COL4A2: variants seen among roughly 807,000 people sequenced by gnomAD.
COL4A2 encodes collagen type IV alpha 2 chain, also known as collagen alpha-2(IV) chain.
Under a neutral mutation model 200.2 loss-of-function variants are expected in COL4A2, and 99 were observed. That is an observed-to-expected ratio of 0.49 (90% CI 0.42 to 0.58). COL4A2 has a LOEUF of 0.58. Ranked by LOEUF, COL4A2 falls within the 20% of genes least tolerant of loss-of-function variation. COL4A2 has a pLI of 0.00. For missense variants in COL4A2, 1,950 were observed against 2,314.1 expected (o/e 0.84, Z 3.23); for synonymous variants, 897 against 900.6 (o/e 1.00, Z 0.07).
At chr13:110,348,556 C>T (rs1209910833) in intron 3 of COL4A2, among the ~76,000 whole-genome samples, 2 of 152,258 alleles carry the variant, frequency 1.3e-5, no homozygotes, top group Middle Eastern at 3.4e-3. Flanking sequence ...ACCTTGTTCC[C>T]GAGTTGGCTT....
chr13:110,486,231 C>T (rs984982510), intron 34 of COL4A2, among the ~76,000 whole-genome samples: 2 of 152,194 alleles, frequency 1.3e-5, no homozygotes, highest in Non-Finnish European at 2.9e-5. Flanking sequence ...GCTTCCCATC[C>T]GGGCCACCGT....
chr13:110,469,970 A>G (rs1476382645), intron 28 of COL4A2, among the ~76,000 whole-genome samples: 4 of 135,210 alleles, frequency 3.0e-5, no homozygotes, highest in African/African-American at 1.2e-4. Flanking sequence ...GCTGGAGTGC[A>G]GTGGCACAAT....
intron 3 of COL4A2, among the ~76,000 whole-genome samples, chr13:110,317,440 A>G (rs1257984548): frequency 2.6e-5 from 4 of 152,246 alleles, no homozygotes; most frequent in Non-Finnish European, 5.9e-5. Context: ...TTCTTTCTTC[A>G]TGGGAGCAGC....
intron 4 of COL4A2, among the ~76,000 whole-genome samples, chr13:110,413,946 G>A (rs558147410): frequency 1.2e-4 from 19 of 152,210 alleles, no homozygotes; most frequent in African/African-American, 2.7e-4. Flanking sequence ...ACCTGTCTAC[G>A]TGAGAATTAG....
At chr13:110,502,956 A>G in intron 41 of COL4A2, 165 bp from the exon 42 acceptor site, 1 of 664,202 alleles carries the variant, frequency 1.5e-6, no homozygotes, top group African/African-American at 1.8e-5. Flanking sequence ...GGTAACTTTT[A>G]TGTTCTACGT....
At chr13:110,435,702 G>C (rs1275713747) in intron 12 of COL4A2, among the ~76,000 whole-genome samples, 1 of 152,168 alleles carries the variant, frequency 6.6e-6, no homozygotes, top group African/African-American at 2.4e-5. Context: ...CAAGGATAAC[G>C]GTCCAGTAAT....
chr13:110,312,050 G>A (rs1884999332), intron 3 of COL4A2, among the ~76,000 whole-genome samples: 1 of 152,368 alleles, frequency 6.6e-6, no homozygotes, highest in Admixed American at 6.5e-5. Flanking sequence ...TTTCTGTAAG[G>A]ATCGGGAAGG....
At chr13:110,361,452 G>A (rs1038159050) in intron 4 of COL4A2, among the ~76,000 whole-genome samples, 1 of 152,188 alleles carries the variant, frequency 6.6e-6, no homozygotes, top group African/African-American at 2.4e-5. Flanking sequence ...CCCTGGAAAT[G>A]CCTGGCTGCA....
chr13:110,458,827 G>A lies in COL4A2; in HGVS notation c.1489G>A (p.Gly497Arg), dbSNP rs1163917280. 1 of 1,613,756 alleles carries A rather than the reference G, an allele frequency of 6.2e-7. No individual in the cohort carries two copies. The highest frequency in any genetic ancestry group is 1.3e-5 in the African/African-American group (1 of 74,884). Reference sequence around the variant, plus strand: ...CGACGAAGCTATCAAAGGTCTTCCGGGACTGCCAGGACCCAAGGGCTTCGC... The same window carrying A: ...CGACGAAGCTATCAAAGGTCTTCCGAGACTGCCAGGACCCAAGGGCTTCGC... ...EGDEAIKGLP[G>R]LPGPKGFAGI... The change falls in exon 22 of 48, where the codon GGA (glycine) becomes AGA (arginine). Residue 497 changes from glycine to arginine, a missense_variant. Physicochemically the swap from Gly to Arg is moderately radical, Grantham distance 125. Around this residue, in one of 2 missense-constraint regions of COL4A2, gnomAD observed 1,385 missense variants for 1,720.5 expected, o/e 0.80. Coordinates refer to ENST00000360467, the MANE Select transcript of COL4A2 (RefSeq NM_001846.4).
chr13:110,331,454 G>T (rs1242806196), intron 3 of COL4A2, among the ~76,000 whole-genome samples: 1 of 152,214 alleles, frequency 6.6e-6, no homozygotes, highest in Non-Finnish European at 1.5e-5. Flanking sequence ...GCAGCCGGCC[G>T]TGGCTGCCTT....
chr13:110,403,630 C>A (rs1320966091), intron 4 of COL4A2, among the ~76,000 whole-genome samples: 1 of 152,162 alleles, frequency 6.6e-6, no homozygotes, highest in Non-Finnish European at 1.5e-5. Context: ...TTCTTATGAG[C>A]CCTCGTCAGA....
At chr13:110,505,160 C>G (rs568851984) in intron 45 of COL4A2, among the ~76,000 whole-genome samples, 1 of 151,402 alleles carries the variant, frequency 6.6e-6, no homozygotes, top group African/African-American at 2.4e-5. Context: ...ACCATCCTGG[C>G]TAACACGGTG....
chr13:110,356,923 G>A (rs1363002145), intron 3 of COL4A2, among the ~76,000 whole-genome samples: 1 of 152,154 alleles, frequency 6.6e-6, no homozygotes, highest in East Asian at 1.9e-4. Context: ...CTGCCACCAC[G>A]CCTGGCTAAT....
chr13:110,331,053 T>C (rs1352518689), intron 3 of COL4A2, among the ~76,000 whole-genome samples: 1 of 145,758 alleles, frequency 6.9e-6, no homozygotes, highest in Non-Finnish European at 1.5e-5. Flanking sequence ...TTTTTTTCTT[T>C]CCATGCAGCT....
chr13:110,393,815 G>T (rs558350613), intron 4 of COL4A2, among the ~76,000 whole-genome samples: 1 of 152,270 alleles, frequency 6.6e-6, no homozygotes, highest in Admixed American at 6.5e-5. Context: ...GGAGGCAGAG[G>T]TTACAGGGAG....
rs1347309366 is a variant in COL4A2, at chr13:110,469,320, C to G, written c.2199C>G (p.Pro733=). The G allele has an allele frequency of 6.3e-7, 1 of 1,578,420 alleles. No homozygotes were observed. Among genetic ancestry groups the G allele is most frequent in the Non-Finnish European group, 8.6e-7 (1 of 1,161,932 alleles). The change falls in exon 28 of 48, where the codon CCC becomes CCG. Residue 733 remains proline (P), a synonymous_variant. Coordinates refer to ENST00000360467, the MANE Select transcript of COL4A2 (RefSeq NM_001846.4). ...GDAGREGFPG[P]PGFIGPRGSK... is the part of the protein sequence containing the mutation. Reference sequence around the variant, plus strand: ...CAGGTCGTGAAGGGTTCCCAGGACCCCCAGGTGAGTTGAGATCAGACCCCC... The same window carrying G: ...CAGGTCGTGAAGGGTTCCCAGGACCGCCAGGTGAGTTGAGATCAGACCCCC...
chr13:110,439,983 C>T (rs927718057), intron 16 of COL4A2, 150 bp downstream of exon 16: 6 of 1,257,574 alleles, frequency 4.8e-6, no homozygotes, highest in African/African-American at 1.5e-5. Context: ...AAAGATAATC[C>T]TGCCTCACAA....
chr13:110,341,405 G>A (rs1351456957), intron 3 of COL4A2, among the ~76,000 whole-genome samples: 1 of 152,226 alleles, frequency 6.6e-6, no homozygotes, highest in Non-Finnish European at 1.5e-5. Flanking sequence ...TACATAGTTT[G>A]TGGCTGATTA....
At position 110,384,986 on chromosome 13, in the gene COL4A2, C is replaced by T. The variant is rs138925543; in HGVS notation, c.180+27434C>T. ...AGGAACAAAAAAGTTAAACAGAGGC[C>T]GGGCGCGGTGGCTCACGCCTGTAAT... is the stretch of plus-strand genomic sequence containing the variant. On this transcript the variant is annotated intron_variant, in intron 4 of 47. Transcript: ENST00000360467. Among the ~76,000 whole-genome samples the T allele has an allele frequency of 8.8e-3, 1,339 of 152,264 alleles. 18 individuals are homozygous for T. Among genetic ancestry groups the T allele is most frequent in the African/African-American group, 0.03 (1,238 of 41,556 alleles).
Sources: allele counts gnomAD v4.1 joint callset (sites outside exome capture counted in the v4.1 genomes callset), GRCh38; gene constraint gnomAD v4.1.1; regional missense constraint gnomAD v4.1.1; transcripts MANE v1.5; gene names NCBI Gene and HGNC (gene_info 2026-07-23, HGNC 2026-07-21).